MPDZ: variants seen among roughly 807,000 people sequenced by gnomAD.
MPDZ encodes the protein multiple PDZ domain protein.
A neutral mutation model predicts 239.1 loss-of-function variants in MPDZ; 234 were observed. The observed-to-expected ratio is 0.98, with a 90% confidence interval of 0.88 to 1.09. MPDZ has a LOEUF of 1.09. Ranked by LOEUF, MPDZ falls within the 50% of genes least tolerant of loss-of-function variation. The pLI is 0.00. For missense variants in MPDZ, 3,175 were observed against 2,510.0 expected, an observed-to-expected ratio of 1.26 and a Z score of -5.66; for synonymous variants, 1,048 against 881.3, an observed-to-expected ratio of 1.19 and a Z score of -3.35.
rs200446781 is a variant in MPDZ, at chr9:13,234,872, GCTTT to G, written c.184-10293_184-10290del. Among the ~76,000 whole-genome samples the G allele has an allele frequency of 2.7e-3, 406 of 151,864 alleles. 1 individual carries two copies. The highest frequency in any genetic ancestry group is 8.4e-3 in the African/African-American group (346 of 41,418). Reference sequence around the variant, plus strand: ...TTCTTCTTGCAGGACAAAAACATGTGCTTTTTTTCTTGTGAATTTACCAAAAATG... The same window carrying G: ...TTCTTCTTGCAGGACAAAAACATGTGTTTTCTTGTGAATTTACCAAAAATG... On this transcript the variant is annotated intron_variant, in intron 3 of 46. Transcript: ENST00000319217.
chr9:13,221,615 T>C (rs556500780), intron 6 of MPDZ, 115 bp from the exon 7 acceptor site: 3 of 1,088,052 alleles, frequency 2.8e-6, no homozygotes, highest in South Asian at 1.8e-5. Flanking sequence ...AATTCAGACA[T>C]AATAATGAGT....
chr9:13,159,093 A>C (rs1225524541), intron 23 of MPDZ, among the ~76,000 whole-genome samples: 1 of 152,208 alleles, frequency 6.6e-6, no homozygotes, highest in Non-Finnish European at 1.5e-5. Flanking sequence ...CCTGACAGGA[A>C]TACTGAACTG....
intron 13 of MPDZ, among the ~76,000 whole-genome samples, chr9:13,195,394 AAT>A (rs1955517149): frequency 6.6e-6 from 1 of 152,188 alleles, no homozygotes; most frequent in Non-Finnish European, 1.5e-5. Flanking sequence ...GCTAGTTATT[AAT>A]ATATGTCATC....
At chr9:13,215,969 T>A (rs918011140) in intron 10 of MPDZ, among the ~76,000 whole-genome samples, 39 of 127,246 alleles carry the variant, frequency 3.1e-4, no homozygotes, top group Non-Finnish European at 4.4e-4. Context: ...TTTTTTTTTT[T>A]AGAGATAGGA....
intron 13 of MPDZ, among the ~76,000 whole-genome samples, chr9:13,194,429 A>G (rs1955370003): frequency 6.6e-6 from 1 of 152,144 alleles, no homozygotes; most frequent in Admixed American, 6.6e-5. Flanking sequence ...CATCACTCTC[A>G]GCAAACTAAC....
At position 13,190,292 on chromosome 9, in the gene MPDZ, A is replaced by G. The variant is rs752517422; in HGVS notation, c.1976T>C (p.Val659Ala). Residue 659 changes from valine (V) to alanine (A), a missense_variant, in exon 16 of 47, where the codon GTA becomes GCA. Coordinates refer to ENST00000319217, the MANE Select transcript of MPDZ (RefSeq NM_001378778.1). ...CDIELTEKPH[V>A]DLGEFIGSSE... ...TGACCCGATGAACTCACCTAGATCT[A>G]CGTGAGGCTGGATAATATCAGACAG... 3 of 1,573,410 alleles carry G rather than the reference A, an allele frequency of 1.9e-6. No homozygotes were observed. The highest frequency in any genetic ancestry group is 2.7e-5 in the African/African-American group (2 of 73,886).
intron 22 of MPDZ, among the ~76,000 whole-genome samples, chr9:13,166,992 T>C (rs891852042): frequency 6.6e-6 from 1 of 152,088 alleles, no homozygotes; most frequent in Non-Finnish European, 1.5e-5. Flanking sequence ...GTGATCAGAA[T>C]GCCAAAAAGT....
intron 13 of MPDZ, 29 bp from the exon 14 acceptor site, chr9:13,193,342 A>T (rs757067144): frequency 8.9e-6 from 14 of 1,568,376 alleles, no homozygotes; most frequent in Non-Finnish European, 1.2e-5. Context: ...AGATCACCAC[A>T]ATTTTTATAT....
At chr9:13,223,447 G>A in intron 5 of MPDZ, 124 bp downstream of exon 5, 2 of 1,155,258 alleles carry the variant, frequency 1.7e-6, no homozygotes, top group Non-Finnish European at 2.3e-6. Context: ...CTAAAAACTG[G>A]TTAATAACAG....
At chr9:13,116,627 G>T (rs1301261041) in intron 39 of MPDZ, among the ~76,000 whole-genome samples, 3 of 152,054 alleles carry the variant, frequency 2.0e-5, no homozygotes, top group African/African-American at 7.2e-5. Context: ...TAACTGTAAG[G>T]TTAACAAGTC....
At chr9:13,239,430 A>C (rs1441512811) in intron 3 of MPDZ, among the ~76,000 whole-genome samples, 1 of 152,172 alleles carries the variant, frequency 6.6e-6, no homozygotes, top group African/African-American at 2.4e-5. Flanking sequence ...TGTAATGATG[A>C]AACCATTAAC....
At chr9:13,150,809 A>C (rs750695042) in intron 24 of MPDZ, 121 bp from the exon 25 acceptor site, 13 of 599,734 alleles carry the variant, frequency 2.2e-5, no homozygotes, top group Non-Finnish European at 3.2e-5. Context: ...AAAAGAAAAA[A>C]TAGATAAAAT....
intron 10 of MPDZ, among the ~76,000 whole-genome samples, chr9:13,212,791 T>TAAAA (rs145889448): frequency 5.5e-4 from 61 of 110,480 alleles, no homozygotes; most frequent in East Asian, 1.6e-3. Flanking sequence ...GGTCAAGGTT[T>TAAAA]AAAAAAAAAA....
In MPDZ at chr9:13,110,054, C is replaced by G. The variant is rs1942177012; in HGVS notation, c.5840G>C (p.Gly1947Ala). 1 of 1,612,360 alleles carries G rather than the reference C, an allele frequency of 6.2e-7. No homozygotes were observed. Among genetic ancestry groups the G allele is most frequent in the African/African-American group, 1.3e-5 (1 of 74,878 alleles). Residue 1947 changes from glycine to alanine, a missense_variant, in exon 45 of 47, where the codon GGA becomes GCA. Transcript: ENST00000319217. The stretch of plus-strand genomic sequence containing the variant: ...ACCTGTGACCACACTCACGTCTCCT[C>G]CAGCAACCACCTGCGCACAGGAGGA... The part of the protein sequence containing the change: ...SGSIEMQVVA[G>A]GDVSVVTGHQ...
chr9:13,114,481 G>T (rs1563822555), intron 40 of MPDZ, among the ~76,000 whole-genome samples: 1 of 152,194 alleles, frequency 6.6e-6, no homozygotes, highest in Non-Finnish European at 1.5e-5. Flanking sequence ...AGGTCAAGAG[G>T]TCTTGTCAAG....
At position 13,265,891 on chromosome 9, in the gene MPDZ, T is replaced by C. The variant is rs150126825; in HGVS notation, c.-58+13509A>G. Among the ~76,000 whole-genome samples, 701 of 152,228 alleles carry C rather than the reference T, an allele frequency of 4.6e-3. 2 individuals are homozygous for C. The highest frequency in any genetic ancestry group is 0.016 in the African/African-American group (669 of 41,544). ...AACTAGGAGGTAGGAGAGAAGACCA[T>C]AGTATTACAATCATGCTGCTTCAAC... is the stretch of plus-strand genomic sequence containing the variant. On this transcript the variant is annotated intron_variant, in intron 1 of 46. Coordinates refer to ENST00000319217, the MANE Select transcript of MPDZ (RefSeq NM_001378778.1).
At chr9:13,111,907 T>C (rs1344790927) in intron 43 of MPDZ, 117 bp downstream of exon 43, 3 of 1,006,586 alleles carry the variant, frequency 3.0e-6, no homozygotes, top group Non-Finnish European at 2.8e-6. Context: ...GATTAGATGA[T>C]TTAAAAGTAA....
At chr9:13,278,034 C>T (rs1425839153) in intron 1 of MPDZ, among the ~76,000 whole-genome samples, 3 of 152,104 alleles carry the variant, frequency 2.0e-5, no homozygotes, top group Admixed American at 6.6e-5. Context: ...ACCTCCTCCT[C>T]GTTAGTTTTC....
chr9:13,238,564 G>A (rs1964646562), intron 3 of MPDZ, among the ~76,000 whole-genome samples: 1 of 151,998 alleles, frequency 6.6e-6, no homozygotes, highest in African/African-American at 2.4e-5. Flanking sequence ...CCACCCACAT[G>A]TGTCCGTGTC....
Sources: gnomAD v4.1 joint callset for allele counts (sites outside exome capture counted in the v4.1 genomes callset) on GRCh38, gnomAD v4.1.1 for gene constraint, MANE v1.5 for transcripts, NCBI Gene and HGNC (gene_info 2026-07-23, HGNC 2026-07-21) for gene names.